Variants in UBE2V2 observed in about 807,000 individuals in gnomAD.
UBE2V2 encodes ubiquitin-conjugating enzyme E2 variant 2.
UBE2V2 carries 9 observed loss-of-function variants against 17.2 expected under a neutral mutation model. The ratio of observed to expected loss-of-function variants is 0.52; its 90% CI spans 0.32 to 0.91. The LOEUF is 0.91. Ranked by LOEUF, UBE2V2 falls within the 40% of genes least tolerant of loss-of-function variation. UBE2V2 has a pLI of 0.04. For missense variants in UBE2V2, 133 were observed against 182.6 expected, an observed-to-expected ratio of 0.73 and a Z score of 1.56; for synonymous variants, 61 against 57.5, an observed-to-expected ratio of 1.06 and a Z score of -0.28.
chr8:48,004,585 G>A (rs1191156410), upstream of UBE2V2, among the ~76,000 whole-genome samples: 2 of 148,492 alleles, frequency 1.3e-5, no homozygotes, highest in Admixed American at 6.8e-5. Context: ...AGGCTGGAGT[G>A]CAGTGGTGTG....
At chr8:48,040,400 A>G (rs1359969703) in intron 1 of UBE2V2, among the ~76,000 whole-genome samples, 1 of 152,190 alleles carries the variant, frequency 6.6e-6, no homozygotes, top group Non-Finnish European at 1.5e-5. Context: ...TAATGATAAT[A>G]ATATTTTTCC....
At position 48,043,061 on chromosome 8, in the gene UBE2V2, G is replaced by A; in HGVS notation, c.45G>A (p.Leu15=). 6.3e-7 allele frequency: 1 copy of A among 1,576,436 alleles called. No homozygotes were observed. Among genetic ancestry groups the A allele is most frequent in the Non-Finnish European group, 8.6e-7 (1 of 1,161,030 alleles). Residue 15 remains leucine (L), a synonymous_variant, in exon 2 of 4, where the codon TTG becomes TTA. Transcript: ENST00000523111. ...TGVKVPRNFR[L]LEELEEGQKG... Reference sequence around the variant, plus strand: ...TTAAAGTTCCTCGTAATTTTCGCTTGTTGGAAGAACTTGAAGAAGGACAAA... The same window carrying A: ...TTAAAGTTCCTCGTAATTTTCGCTTATTGGAAGAACTTGAAGAAGGACAAA...
At chr8:48,040,889 G>C (rs1293112626) in intron 1 of UBE2V2, among the ~76,000 whole-genome samples, 3 of 119,898 alleles carry the variant, frequency 2.5e-5, no homozygotes, top group African/African-American at 9.0e-5. Context: ...GTGTGAGACA[G>C]AGTCTCACTC....
chr8:48,034,821 T>C (rs1237350167), intron 1 of UBE2V2: 1 of 153,694 alleles, frequency 6.5e-6, no homozygotes, highest in East Asian at 1.9e-4. Context: ...TTTTTTCTTA[T>C]AATATGGGAG....
At chr8:48,024,034 GTCT>G (rs760021898) in intron 1 of UBE2V2, among the ~76,000 whole-genome samples, 75 of 152,258 alleles carry the variant, frequency 4.9e-4, no homozygotes, top group Middle Eastern at 6.8e-3. Context: ...TGTTTATAAA[GTCT>G]TAGCTGATTT....
chr8:48,008,285 A>G (rs2091198735), upstream of UBE2V2: 2 of 745,344 alleles, frequency 2.7e-6, no homozygotes, highest in Non-Finnish European at 3.8e-6. Context: ...TTGCGGAAAC[A>G]GCAGCGAGGC....
At chr8:48,017,846 C>CT (rs71548448) in intron 1 of UBE2V2, among the ~76,000 whole-genome samples, 13,430 of 134,584 alleles carry the variant, frequency 0.1, 756 homozygotes, top group Middle Eastern at 0.16. Context: ...CATAGATTGC[C>CT]TTTTTTTTTT....
At chr8:48,020,344 A>G (rs1048425197) in intron 1 of UBE2V2, among the ~76,000 whole-genome samples, 2 of 152,004 alleles carry the variant, frequency 1.3e-5, no homozygotes, top group African/African-American at 4.8e-5. Flanking sequence ...TTCCATTTGC[A>G]TGGCATATCT....
chr8:48,034,865 G>C (rs2091410595), intron 1 of UBE2V2: 2 of 176,802 alleles, frequency 1.1e-5, no homozygotes. Flanking sequence ...GTTTCACTTA[G>C]AGTCACTCAT....
chr8:48,015,932 C>G (rs923042359), intron 1 of UBE2V2, among the ~76,000 whole-genome samples: 7 of 140,284 alleles, frequency 5.0e-5, no homozygotes, highest in African/African-American at 1.9e-4. Flanking sequence ...GAGTCTCACT[C>G]TGTCACCCAG....
the UBE2V2 span, among the ~76,000 whole-genome samples, chr8:47,997,553 G>A: frequency 6.6e-6 from 1 of 152,062 alleles, no homozygotes; most frequent in African/African-American, 2.4e-5. Context: ...TGCCAAGTAA[G>A]TTCATAAGTC....
intron 1 of UBE2V2, among the ~76,000 whole-genome samples, chr8:48,013,338 C>T (rs1396038982): frequency 2.0e-4 from 29 of 144,454 alleles, no homozygotes; most frequent in Admixed American, 1.9e-3. Flanking sequence ...GATGAAGTCT[C>T]GCTCTGTGGC....
At chr8:48,048,155 C>G (rs1396395368) in intron 2 of UBE2V2, among the ~76,000 whole-genome samples, 1 of 152,148 alleles carries the variant, frequency 6.6e-6, no homozygotes, top group Non-Finnish European at 1.5e-5. Context: ...CTTTCCCACA[C>G]CTGAGAGATT....
intron 3 of UBE2V2, among the ~76,000 whole-genome samples, chr8:48,056,787 G>A (rs368332642): frequency 6.6e-6 from 1 of 152,124 alleles, no homozygotes; most frequent in Non-Finnish European, 1.5e-5. Flanking sequence ...GCGGTGGTGC[G>A]ATCTTGGCTC....
At chr8:48,009,090 T>G (rs1259289136) in intron 1 of UBE2V2, among the ~76,000 whole-genome samples, 3 of 152,214 alleles carry the variant, frequency 2.0e-5, no homozygotes, top group Non-Finnish European at 4.4e-5. Flanking sequence ...AGTGGTTTCT[T>G]AGATAAGCTG....
At chr8:48,001,473 A>G in the UBE2V2 span, among the ~76,000 whole-genome samples, 86 of 152,252 alleles carry the variant, frequency 5.6e-4, no homozygotes, top group African/African-American at 1.7e-3. Flanking sequence ...TGTGGCATGT[A>G]TCTGTAGTCC....
At position 48,061,058 on chromosome 8, in the gene UBE2V2, A is replaced by T. The variant is rs1802584580; in HGVS notation, c.*230A>T. On this transcript the variant is annotated 3_prime_UTR_variant, in exon 4 of 4. Coordinates refer to ENST00000523111, the MANE Select transcript of UBE2V2 (RefSeq NM_003350.3). ...TCTCTTGAAAGGCACTGTCATTTAA[A>T]CATAAACCTGGAGTACTCGAAATAG... 1 of 311,214 alleles carries T rather than the reference A, an allele frequency of 3.2e-6. No homozygotes were observed. Among genetic ancestry groups the T allele is most frequent in the African/African-American group, 2.1e-5 (1 of 46,620 alleles). 19.3% of individuals were successfully genotyped at this position (311,214 alleles called of 1,614,324 possible).
At chr8:48,008,347 C>T (rs1481285018), upstream of UBE2V2, 2 of 1,382,624 alleles carry the variant, frequency 1.4e-6, no homozygotes, top group East Asian at 3.1e-5. Flanking sequence ...GCCCCGCGCC[C>T]GCCGGGGGCG....
upstream of UBE2V2, among the ~76,000 whole-genome samples, chr8:48,005,424 G>A (rs1346932605): frequency 6.6e-6 from 1 of 152,142 alleles, no homozygotes; most frequent in Non-Finnish European, 1.5e-5. Flanking sequence ...ATCACTGATG[G>A]CCATTTGGGT....
Sources: gnomAD v4.1 joint callset for allele counts (sites outside exome capture counted in the v4.1 genomes callset) on GRCh38, gnomAD v4.1.1 for gene constraint, MANE v1.5 for transcripts, NCBI Gene and HGNC (gene_info 2026-07-23, HGNC 2026-07-21) for gene names.